The following EMSY variants were observed in gnomAD, a reference collection of about 807,000 sequenced individuals.
EMSY encodes the protein BRCA2-interacting transcriptional repressor EMSY.
In EMSY, 26 loss-of-function variants were observed where a neutral mutation model predicts 134.6. The observed-to-expected ratio is 0.19, with a 90% CI of 0.14 to 0.27. The LOEUF is 0.27. Among genes scored for constraint, EMSY ranks in the 10% least tolerant of loss-of-function variants. The pLI, the probability that EMSY is intolerant of heterozygous loss-of-function variation, is 1.00. For missense variants in EMSY, 1,305 were observed against 1,611.4 expected (o/e 0.81, Z 3.26); for synonymous variants, 579 against 577.8 (o/e 1.00, Z -0.03).
At chr11:76,542,047 T>TA in intron 17 of EMSY, 169 bp from the exon 19 acceptor site, 1 of 760,736 alleles carries the variant, frequency 1.3e-6, no homozygotes, top group Non-Finnish European at 2.2e-6. Flanking sequence ...GAGACTTTCT[T>TA]AGAGTCACAC....
downstream of EMSY, chr11:76,552,450 A>G (rs1051724368): frequency 6.6e-6 from 1 of 152,204 alleles, no homozygotes; most frequent in Non-Finnish European, 1.5e-5. Flanking sequence ...TTAAGTACAT[A>G]ATTTAAAAGT....
At position 76,483,281 on chromosome 11, in the gene EMSY, A is replaced by G. The variant is rs199930739; in HGVS notation, c.1108+10441A>G. ...CTAAACATGGAAAGGAAAAACCAGT[A>G]CCAGCCACTGCAAAAACATACCAAA... is the stretch of plus-strand genomic sequence containing the variant. On this transcript the variant is annotated intron_variant, in intron 8 of 20. Coordinates refer to ENST00000334736, the Ensembl canonical transcript of EMSY. Among the ~76,000 whole-genome samples the G allele has an allele frequency of 2.0e-5, 3 of 152,192 alleles. No individual in the cohort carries two copies. In the South Asian group the frequency reaches 6.2e-4, roughly 31 times the overall value.
At chr11:76,507,818 CT>C (rs1222623011) in intron 9 of EMSY, among the ~76,000 whole-genome samples, 2 of 151,708 alleles carry the variant, frequency 1.3e-5, no homozygotes, top group Non-Finnish European at 2.9e-5. Context: ...ATTATGGCAG[CT>C]GTAGCCTTAC....
At chr11:76,453,031 A>G (rs572172659) in intron 3 of EMSY, among the ~76,000 whole-genome samples, 1 of 152,302 alleles carries the variant, frequency 6.6e-6, no homozygotes, top group South Asian at 2.1e-4. Flanking sequence ...ATGGTCTGAC[A>G]TTTCTGAGAT....
At chr11:76,494,915 T>C (rs936737963) in intron 8 of EMSY, among the ~76,000 whole-genome samples, 1 of 152,184 alleles carries the variant, frequency 6.6e-6, no homozygotes, top group Non-Finnish European at 1.5e-5. Flanking sequence ...TTTGTATTTT[T>C]AGTAGAGATG....
intron 9 of EMSY, among the ~76,000 whole-genome samples, chr11:76,507,681 C>T (rs1950126687): frequency 1.3e-5 from 2 of 152,110 alleles, no homozygotes; most frequent in South Asian, 2.1e-4. Flanking sequence ...TTGGAATCCA[C>T]CTCTTCCAAG....
intron 16 of EMSY, among the ~76,000 whole-genome samples, chr11:76,539,240 A>G (rs949456246): frequency 3.9e-5 from 6 of 152,172 alleles, no homozygotes; most frequent in Admixed American, 1.3e-4. Context: ...TTTAAGAGAG[A>G]TGACTTATGA....
chr11:76,544,815 C>T (rs1409717258), exon 19 of EMSY: 1 of 1,613,118 alleles, frequency 6.2e-7, no homozygotes, highest in Non-Finnish European at 8.5e-7. Context: ...AAACAGACGG[C>T]AAGCCAGGTA....
intron 7 of EMSY, among the ~76,000 whole-genome samples, chr11:76,467,537 T>G (rs1324098126): frequency 6.6e-6 from 1 of 152,246 alleles, no homozygotes; most frequent in Admixed American, 6.5e-5. Flanking sequence ...AGACTTTGTC[T>G]TATTCTTCAA....
At chr11:76,476,562 A>T (rs568050821) in intron 8 of EMSY, among the ~76,000 whole-genome samples, 2 of 152,252 alleles carry the variant, frequency 1.3e-5, no homozygotes, top group Non-Finnish European at 2.9e-5. Flanking sequence ...CACTCCCCAT[A>T]TTACTAAGAT....
At chr11:76,457,056 C>T (rs1340585579) in intron 4 of EMSY, among the ~76,000 whole-genome samples, 1 of 151,964 alleles carries the variant, frequency 6.6e-6, no homozygotes, top group Non-Finnish European at 1.5e-5. Context: ...ATAATACTAC[C>T]AAATTCATAG....
exon 19 of EMSY, chr11:76,544,668 C>A (rs1394778015): frequency 6.2e-7 from 1 of 1,614,022 alleles, no homozygotes; most frequent in Non-Finnish European, 8.5e-7. Context: ...GCACAGCCCC[C>A]GCAAACTGTA....
At chr11:76,538,202 C>T (rs1332725172) in intron 16 of EMSY, among the ~76,000 whole-genome samples, 1 of 152,098 alleles carries the variant, frequency 6.6e-6, no homozygotes, top group East Asian at 1.9e-4. Flanking sequence ...TATACAGCAA[C>T]AGTTGTAGGG....
chr11:76,529,358 C>T (rs1950953829), intron 14 of EMSY, among the ~76,000 whole-genome samples: 1 of 152,200 alleles, frequency 6.6e-6, no homozygotes. Context: ...TTCTTATACA[C>T]AGTCTCCATA....
At chr11:76,512,229 G>A (rs1950303524) in intron 9 of EMSY, among the ~76,000 whole-genome samples, 1 of 152,018 alleles carries the variant, frequency 6.6e-6, no homozygotes. Flanking sequence ...AGTTGGCATA[G>A]GAAATTTTAT....
In EMSY at chr11:76,452,044, A is replaced by C. The variant is rs1014444595; in HGVS notation, c.170+87A>C. Reference sequence around the variant, plus strand: ...ATCACTCTCAAATTAAGTAACTGTCAAATTAAGTTGAAGAACAGAGGTGTT... The same window carrying C: ...ATCACTCTCAAATTAAGTAACTGTCCAATTAAGTTGAAGAACAGAGGTGTT... On this transcript the variant is annotated intron_variant, in intron 3 of 20. Coordinates refer to ENST00000334736, the Ensembl canonical transcript of EMSY. 9.5e-6 allele frequency: 8 copies of C among 839,366 alleles called. No homozygotes were observed. In the East Asian group the frequency reaches 1.8e-4, roughly 19 times the overall value. 52.0% of individuals were successfully genotyped at this position (839,366 alleles called of 1,614,324 possible).
At chr11:76,498,746 A>G (rs1406741074) in intron 9 of EMSY, among the ~76,000 whole-genome samples, 2 of 152,214 alleles carry the variant, frequency 1.3e-5, no homozygotes, top group Non-Finnish European at 2.9e-5. Flanking sequence ...GTAATAGAGA[A>G]CTATACTGAC....
At chr11:76,540,299 G>C (rs1237328505) in intron 17 of EMSY, among the ~76,000 whole-genome samples, 1 of 151,820 alleles carries the variant, frequency 6.6e-6, no homozygotes, top group East Asian at 1.9e-4. Flanking sequence ...ATATTAATTT[G>C]CTTAATTTTA....
chr11:76,508,097 C>T (rs1180510611), intron 9 of EMSY, among the ~76,000 whole-genome samples: 10 of 152,028 alleles, frequency 6.6e-5, no homozygotes, highest in Admixed American at 2.6e-4. Flanking sequence ...TCTCAAACTC[C>T]TGGGCTCAAA....
Sources: allele counts gnomAD v4.1 joint callset (sites outside exome capture counted in the v4.1 genomes callset), GRCh38; gene constraint gnomAD v4.1.1; transcripts MANE v1.5; gene names NCBI Gene and HGNC (gene_info 2026-07-23, HGNC 2026-07-21).